YAP1: variants seen among roughly 807,000 people sequenced by gnomAD.
The protein encoded by YAP1 is transcriptional coactivator YAP1.
YAP1 carries 5 observed loss-of-function variants against 56.9 expected under a neutral mutation model. The observed-to-expected ratio is 0.09, with a 90% CI of 0.05 to 0.18. YAP1 has a LOEUF of 0.18. Ranked by LOEUF, YAP1 falls within the 10% of genes least tolerant of loss-of-function variation. The pLI is 1.00. For missense variants in YAP1, 539 were observed against 651.8 expected, an observed-to-expected ratio of 0.83 and a Z score of 1.88; for synonymous variants, 265 against 248.1, an observed-to-expected ratio of 1.07 and a Z score of -0.64.
chr11:102,162,976 T>A (rs912908370), intron 3 of YAP1, among the ~76,000 whole-genome samples: 1 of 86,492 alleles, frequency 1.2e-5, no homozygotes, highest in African/African-American at 4.0e-5. Flanking sequence ...ATTATTATTA[T>A]TTTTTTTTTC....
intron 5 of YAP1, among the ~76,000 whole-genome samples, chr11:102,208,503 G>A (rs1041490786): frequency 2.6e-5 from 4 of 152,078 alleles, no homozygotes; most frequent in African/African-American, 9.6e-5. Context: ...ACATAAAAAA[G>A]GATGGAGAAA....
chr11:102,212,544 A>T (rs1949452684), intron 6 of YAP1, among the ~76,000 whole-genome samples: 1 of 152,036 alleles, frequency 6.6e-6, no homozygotes, highest in Non-Finnish European at 1.5e-5. Context: ...GGAAAAATTC[A>T]TCCTTACAGA....
rs1949425755 is a variant in YAP1, at chr11:102,211,967, C to T, written c.1032+2403C>T. 2.6e-5 allele frequency among the ~76,000 whole-genome samples: 4 copies of T among 152,088 alleles called. No individual in the cohort carries two copies. In the South Asian group the frequency reaches 8.3e-4, roughly 32 times the overall value. ...ATTCGCCTGCCTCGGCCTCCCAAAG[C>T]ACTGGTATTACAGGCGTGAGCCACC... On this transcript the variant is annotated intron_variant, in intron 6 of 8. Coordinates refer to ENST00000282441, the MANE Select transcript of YAP1 (RefSeq NM_001130145.3).
At chr11:102,167,472 T>C (rs7945065) in intron 3 of YAP1, among the ~76,000 whole-genome samples, 149,414 of 152,332 alleles carry the variant, frequency 0.98, 73,352 homozygotes, top group Middle Eastern at 1. Context: ...CAGTGGCTCA[T>C]GCCTGTAATC....
chr11:102,112,198 T>C (rs912133790), intron 1 of YAP1, among the ~76,000 whole-genome samples: 1 of 152,192 alleles, frequency 6.6e-6, no homozygotes, highest in South Asian at 2.1e-4. Context: ...TGATTAAAAG[T>C]TAATGTTTGG....
intron 3 of YAP1, among the ~76,000 whole-genome samples, chr11:102,174,541 G>A (rs181910967): frequency 3.3e-5 from 5 of 151,534 alleles, no homozygotes; most frequent in African/African-American, 4.8e-5. Context: ...CCGAGATTGC[G>A]CCACTGCACT....
At chr11:102,118,806 A>C (rs1943467488) in intron 2 of YAP1, among the ~76,000 whole-genome samples, 1 of 151,554 alleles carries the variant, frequency 6.6e-6, no homozygotes, top group South Asian at 2.1e-4. Context: ...TATACAGTGT[A>C]CCTGGTATTT....
In YAP1 at chr11:102,114,288, A is replaced by G. The variant is rs1943142983; in HGVS notation, c.466A>G (p.Thr156Ala). The change falls in exon 2 of 9, where the codon ACA becomes GCA. Residue 156 changes from threonine to alanine, a missense_variant. By Grantham distance (58) the Thr-to-Ala change is moderately conservative (BLOSUM62 0). Around this residue, in one of 4 missense-constraint regions of YAP1, gnomAD observed 414 missense variants for 512.4 expected, o/e 0.81. Coordinates refer to ENST00000282441, the MANE Select transcript of YAP1 (RefSeq NM_001130145.3). ...GVVSGPAATPTAQHLRQSSFE... is the reference protein window; with the variant it reads ...GVVSGPAATPAAQHLRQSSFE... ...AGTCTCTGGCCCAGCAGCTACACCC[A>G]CAGCTCAGCATCTTCGACAGTCTTC... 1 of 1,614,050 alleles carries G rather than the reference A, an allele frequency of 6.2e-7. No individual in the cohort carries two copies. Among genetic ancestry groups the G allele is most frequent in the African/African-American group, 1.3e-5 (1 of 74,908 alleles).
At chr11:102,117,529 A>T (rs543974281) in intron 2 of YAP1, among the ~76,000 whole-genome samples, 4 of 152,356 alleles carry the variant, frequency 2.6e-5, no homozygotes, top group African/African-American at 9.6e-5. Context: ...CCTTGTGACC[A>T]TAGATGATTG....
chr11:102,143,676 A>G lies in YAP1; in HGVS notation c.573-18780A>G, dbSNP rs898394117. On this transcript the variant is annotated intron_variant, in intron 2 of 8. Coordinates refer to ENST00000282441, the MANE Select transcript of YAP1 (RefSeq NM_001130145.3). ...TTGCTAACAGCAGAACACATAGTGT[A>G]GGCATGAAAGGAAGGCTACATAGCC... is the stretch of plus-strand genomic sequence containing the variant. 2.6e-5 allele frequency among the ~76,000 whole-genome samples: 4 copies of G among 152,252 alleles called. No individual in the cohort carries two copies. The South Asian group carries it at 6.2e-4, about 24-fold the overall frequency.
chr11:102,218,471 GCCTT>G (rs2135674469), intron 6 of YAP1, among the ~76,000 whole-genome samples: 1 of 152,310 alleles, frequency 6.6e-6, no homozygotes, highest in Admixed American at 6.5e-5. Flanking sequence ...TACAGACACA[GCCTT>G]CCATTTTTCT....
intron 2 of YAP1, among the ~76,000 whole-genome samples, chr11:102,158,136 G>A (rs912171606): frequency 6.6e-6 from 1 of 152,074 alleles, no homozygotes; most frequent in African/African-American, 2.4e-5. Flanking sequence ...GTGAAAAATC[G>A]GTTTTACAAG....
chr11:102,134,689 A>G (rs970241176), intron 2 of YAP1, among the ~76,000 whole-genome samples: 2 of 151,852 alleles, frequency 1.3e-5, no homozygotes, highest in Non-Finnish European at 2.9e-5. Context: ...ATCCAGAGGT[A>G]ACTTCTGGCC....
At chr11:102,198,735 C>T (rs762908435) in intron 4 of YAP1, among the ~76,000 whole-genome samples, 2 of 152,090 alleles carry the variant, frequency 1.3e-5, no homozygotes. Flanking sequence ...AATCTCAGAT[C>T]AGTTCCCCAA....
At chr11:102,215,034 G>GTTACCAAA (rs1478337005) in intron 6 of YAP1, among the ~76,000 whole-genome samples, 2 of 152,006 alleles carry the variant, frequency 1.3e-5, no homozygotes, top group African/African-American at 4.8e-5. Flanking sequence ...AAACTGCTTT[G>GTTACCAAA]GTAAATGGCA....
At chr11:102,153,966 C>T in intron 2 of YAP1, among the ~76,000 whole-genome samples, 1 of 152,112 alleles carries the variant, frequency 6.6e-6, no homozygotes, top group East Asian at 1.9e-4. Context: ...TTGAGGCAGT[C>T]TCTAAGTGAT....
rs1451624169 is a variant in YAP1, at chr11:102,221,898, G to C, written c.1033-1724G>C. On this transcript the variant is annotated intron_variant, in intron 6 of 8. Transcript: ENST00000282441. ...GTTAGGTACAGTGAATACTAATGGT[G>C]CATACTACATTGGAGAAAATGTTGA... Among the ~76,000 whole-genome samples, 3 of 151,824 alleles carry C rather than the reference G, an allele frequency of 2.0e-5. No individual in the cohort carries two copies. In the South Asian group the frequency reaches 6.2e-4, roughly 32 times the overall value.
At chr11:102,184,618 A>ATG (rs1947849725) in intron 3 of YAP1, among the ~76,000 whole-genome samples, 1 of 152,206 alleles carries the variant, frequency 6.6e-6, no homozygotes, top group African/African-American at 2.4e-5. Context: ...CCTAATACGA[A>ATG]TGAAACTGGC....
At chr11:102,225,911 T>G (rs1417280463) in intron 7 of YAP1, among the ~76,000 whole-genome samples, 1 of 152,208 alleles carries the variant, frequency 6.6e-6, no homozygotes, top group Non-Finnish European at 1.5e-5. Context: ...CAGTGAATGT[T>G]TACTGAATGA....
Sources: gnomAD v4.1 joint callset for allele counts (sites outside exome capture counted in the v4.1 genomes callset) on GRCh38, gnomAD v4.1.1 for gene constraint, gnomAD v4.1.1 regional missense constraint, MANE v1.5 for transcripts, NCBI Gene and HGNC (gene_info 2026-07-23, HGNC 2026-07-21) for gene names.